Variants in UBE2G1 observed in about 807,000 individuals in gnomAD.
UBE2G1 encodes ubiquitin-conjugating enzyme E2 G1.
UBE2G1 carries 5 observed loss-of-function variants against 22.7 expected under a neutral mutation model. The ratio of observed to expected loss-of-function variants is 0.22; its 90% CI spans 0.12 to 0.46. The LOEUF (loss-of-function observed/expected upper bound fraction) is 0.46. Among genes scored for constraint, UBE2G1 ranks in the 20% least tolerant of loss-of-function variants. UBE2G1 has a pLI of 0.99. For synonymous variants in UBE2G1, 74 were observed against 67.5 expected, an observed-to-expected ratio of 1.10 and a Z score of -0.47; for missense variants, 88 against 203.9, an observed-to-expected ratio of 0.43 and a Z score of 3.46.
intron 1 of UBE2G1, 140 bp from the exon 2 acceptor site, chr17:4,307,263 T>C (rs1465894142): frequency 4.4e-6 from 3 of 681,214 alleles, no homozygotes; most frequent in Non-Finnish European, 7.3e-6. Context: ...AAAATGCTAC[T>C]TGATGGCCAA....
intron 2 of UBE2G1, among the ~76,000 whole-genome samples, chr17:4,298,810 C>T (rs978591955): frequency 6.6e-6 from 1 of 151,954 alleles, no homozygotes; most frequent in African/African-American, 2.4e-5. Flanking sequence ...AAGAGATATT[C>T]GAAGAAATGT....
chr17:4,279,709 A>C (rs1181081380), intron 5 of UBE2G1, among the ~76,000 whole-genome samples: 1 of 144,638 alleles, frequency 6.9e-6, no homozygotes, highest in African/African-American at 2.5e-5. Context: ...CAGGAGACGG[A>C]GATTGCAGTG....
intron 2 of UBE2G1, chr17:4,301,496 G>A (rs1969179487): frequency 5.5e-6 from 5 of 910,536 alleles, no homozygotes; most frequent in Middle Eastern, 2.3e-4. Flanking sequence ...TTCAGACTCA[G>A]GATAAACGGA....
At chr17:4,272,760 G>C (rs188837563) in intron 5 of UBE2G1, among the ~76,000 whole-genome samples, 4 of 152,102 alleles carry the variant, frequency 2.6e-5, no homozygotes, top group African/African-American at 9.7e-5. Flanking sequence ...CACATTTCAC[G>C]TGCTCAGTAG....
rs1357898996 is a variant in UBE2G1 at position 4,270,740 on chromosome 17, AGGTTTGTG to A, written c.*1806_*1813del. ...CACAACACACTTACGAGTTTCTATA[AGGTTTGTG>A]GGTTTGTATAATGTTTACAGGTTTT... On this transcript the variant is annotated 3_prime_UTR_variant, in exon 6 of 6. Coordinates refer to ENST00000396981, the MANE Select transcript of UBE2G1 (RefSeq NM_003342.5). 1.3e-5 allele frequency: 2 copies of A among 152,010 alleles called. No individual in the cohort carries two copies. The highest frequency in any genetic ancestry group is 4.8e-5 in the African/African-American group (2 of 41,380). The allele number at this position is 152,010 out of a possible 1,614,324, so 9.4% of individuals were successfully genotyped here. A position where few individuals can be genotyped will look rare whatever the true frequency, so the allele number is the denominator to read the frequency against.
intron 3 of UBE2G1, 44 bp downstream of exon 3, chr17:4,296,673 G>A: frequency 6.5e-7 from 1 of 1,541,960 alleles, no homozygotes; most frequent in East Asian, 2.3e-5. Context: ...TCAATAACAG[G>A]CCATCAAATC....
chr17:4,360,170 T>A (rs1353600753), intron 1 of UBE2G1, among the ~76,000 whole-genome samples: 9 of 152,206 alleles, frequency 5.9e-5, no homozygotes, highest in Non-Finnish European at 1.3e-4. Context: ...TGAAAAGTTA[T>A]TTCCTACAAA....
chr17:4,350,852 G>A (rs1969836734), intron 1 of UBE2G1, among the ~76,000 whole-genome samples: 1 of 151,786 alleles, frequency 6.6e-6, no homozygotes. Flanking sequence ...CTAACATGGT[G>A]AAACCCCGCC....
chr17:4,329,923 T>C (rs769671517), intron 1 of UBE2G1, among the ~76,000 whole-genome samples: 2 of 152,020 alleles, frequency 1.3e-5, no homozygotes, highest in African/African-American at 2.4e-5. Flanking sequence ...CCTAATCGAA[T>C]TAAGCCAAAC....
chr17:4,331,356 C>G lies in UBE2G1; in HGVS notation c.47-24233G>C, dbSNP rs554549515. On this transcript the variant is annotated intron_variant, in intron 1 of 5. Coordinates refer to ENST00000396981, the MANE Select transcript of UBE2G1 (RefSeq NM_003342.5). ...GGTTTACAACTATAATTTGAAAACCCAGAAGTCAAGATGTGGGGAATATGA... is the reference window on the plus strand; with the variant it reads ...GGTTTACAACTATAATTTGAAAACCGAGAAGTCAAGATGTGGGGAATATGA... Among the ~76,000 whole-genome samples, 181 of 152,142 alleles carry G rather than the reference C, an allele frequency of 1.2e-3. 2 individuals are homozygous for G. The highest frequency in any genetic ancestry group is 4.1e-3 in the African/African-American group (172 of 41,490).
At chr17:4,306,731 A>C (rs1969252841) in intron 2 of UBE2G1, among the ~76,000 whole-genome samples, 1 of 150,346 alleles carries the variant, frequency 6.7e-6, no homozygotes, top group Non-Finnish European at 1.5e-5. Flanking sequence ...AGCTCACTGC[A>C]ATCTCTGCCT....
Position 4,304,653 on chromosome 17 carries a change from TCA to T in UBE2G1, c.149+2366_149+2367del, listed in dbSNP as rs200606361. ...GGCTAATGATGGCACAGAGAGATAATCACAGCAGCTTTTACAGAATTTTGGTA... is the reference window on the plus strand; with the variant it reads ...GGCTAATGATGGCACAGAGAGATAATCAGCAGCTTTTACAGAATTTTGGTA... On this transcript the variant is annotated intron_variant, in intron 2 of 5. Transcript: ENST00000396981. Among the ~76,000 whole-genome samples, 928 of 152,168 alleles carry T rather than the reference TCA, an allele frequency of 6.1e-3. 5 individuals are homozygous for T. The highest frequency in any genetic ancestry group is 0.021 in the African/African-American group (863 of 41,484).
At chr17:4,295,133 C>A (rs1033113576) in intron 3 of UBE2G1, among the ~76,000 whole-genome samples, 1 of 152,026 alleles carries the variant, frequency 6.6e-6, no homozygotes, top group Admixed American at 6.6e-5. Context: ...AAAACGATTG[C>A]CTATTATAAT....
chr17:4,363,115 T>A (rs1443143292), intron 1 of UBE2G1, among the ~76,000 whole-genome samples: 2 of 152,178 alleles, frequency 1.3e-5, no homozygotes, highest in Non-Finnish European at 2.9e-5. Context: ...AGTAAAACTC[T>A]GTCTCAAAAA....
chr17:4,316,552 G>A (rs1468247611), intron 1 of UBE2G1, among the ~76,000 whole-genome samples: 2 of 152,144 alleles, frequency 1.3e-5, no homozygotes, highest in East Asian at 3.9e-4. Context: ...AATCACAAAG[G>A]TGTATTTCCT....
rs183520552 is a variant in UBE2G1, at chr17:4,288,069, G to A, written c.426+1161C>T. Among the ~76,000 whole-genome samples the A allele has an allele frequency of 5.3e-5, 8 of 152,282 alleles. No homozygotes were observed. In the East Asian group the frequency reaches 1.3e-3, roughly 26 times the overall value. ...AAACATTTTGGGGTGAAGGGTTATG[G>A]TATCTATAAACTACTCTCAAACTGT... On this transcript the variant is annotated intron_variant, in intron 4 of 5. Transcript: ENST00000396981.
At chr17:4,346,356 T>A (rs919811325) in intron 1 of UBE2G1, among the ~76,000 whole-genome samples, 10 of 151,986 alleles carry the variant, frequency 6.6e-5, no homozygotes, top group African/African-American at 2.2e-4. Context: ...AGATAGCTAA[T>A]ACACTTGTTT....
chr17:4,309,079 G>A (rs553297361), intron 1 of UBE2G1, among the ~76,000 whole-genome samples: 1 of 152,214 alleles, frequency 6.6e-6, no homozygotes, highest in Admixed American at 6.5e-5. Context: ...GGCCAACATG[G>A]TGAAACCCTG....
rs1968752531 is a variant in UBE2G1, at chr17:4,271,016, G to A, written c.*1538C>T. Reference sequence around the variant, plus strand: ...CATGTCCCATCTGCTACTGTCTCAAGTTCTATCCCTTATAAGCCAAAGACT... The same window carrying A: ...CATGTCCCATCTGCTACTGTCTCAAATTCTATCCCTTATAAGCCAAAGACT... On this transcript the variant is annotated 3_prime_UTR_variant, in exon 6 of 6. Transcript: ENST00000396981. The A allele has an allele frequency of 2.0e-5, 3 of 152,186 alleles. No homozygotes were observed. In the South Asian group the frequency reaches 6.2e-4, roughly 32 times the overall value. The allele number at this position is 152,186 out of a possible 1,614,324, so 9.4% of individuals were successfully genotyped here.
Sources: gnomAD v4.1 joint callset for allele counts (sites outside exome capture counted in the v4.1 genomes callset) on GRCh38, gnomAD v4.1.1 for gene constraint, MANE v1.5 for transcripts, NCBI Gene and HGNC (gene_info 2026-07-23, HGNC 2026-07-21) for gene names.